MPPED2: variants seen among roughly 807,000 people sequenced by gnomAD.
MPPED2 encodes the protein metallophosphoesterase MPPED2.
In MPPED2, 5 loss-of-function variants were observed where a neutral mutation model predicts 33.0. That is an observed-to-expected ratio of 0.15 (90% confidence interval 0.08 to 0.32). The LOEUF is 0.32. Among genes scored for constraint, MPPED2 ranks in the 10% least tolerant of loss-of-function variants. The pLI is 1.00. For missense variants in MPPED2, 275 were observed against 372.1 expected, an observed-to-expected ratio of 0.74 and a Z score of 2.15; for synonymous variants, 136 against 141.9, an observed-to-expected ratio of 0.96 and a Z score of 0.29.
At chr11:30,531,259 G>T (rs550929158) in intron 3 of MPPED2, among the ~76,000 whole-genome samples, 15 of 152,288 alleles carry the variant, frequency 9.8e-5, no homozygotes, top group South Asian at 4.1e-4. Context: ...GAAGCCACTT[G>T]TCCCTCTGAC....
chr11:30,400,570 A>T (rs960370585), intron 6 of MPPED2, among the ~76,000 whole-genome samples: 1 of 152,216 alleles, frequency 6.6e-6, no homozygotes, highest in African/African-American at 2.4e-5. Flanking sequence ...ATCTTTGAAG[A>T]CTAGAGCATG....
At chr11:30,473,004 A>T (rs1225335900) in intron 4 of MPPED2, among the ~76,000 whole-genome samples, 2 of 152,250 alleles carry the variant, frequency 1.3e-5, no homozygotes, top group Non-Finnish European at 2.9e-5. Flanking sequence ...TTTCAGTTCA[A>T]ATAGTTATAT....
rs182950867 is a variant in MPPED2 at position 30,404,403 on chromosome 11, A to G, written c.766+9825T>C. ...CATTTCGTCAATGGCATGCCATTAG[A>G]GAAAACCATTTCATAGAGTAAATTA... On this transcript the variant is annotated intron_variant, in intron 6 of 6. Coordinates refer to the MPPED2 transcript ENST00000448418. Among the ~76,000 whole-genome samples the G allele has an allele frequency of 1.6e-3, 244 of 152,362 alleles. 3 individuals are homozygous for G. Among genetic ancestry groups the G allele is most frequent in the African/African-American group, 5.6e-3 (234 of 41,594 alleles).
intron 4 of MPPED2, among the ~76,000 whole-genome samples, chr11:30,442,453 G>T (rs1240442814): frequency 6.6e-6 from 1 of 152,330 alleles, no homozygotes. Context: ...CTCCTTTCCA[G>T]ATCCAACCAT....
intron 4 of MPPED2, among the ~76,000 whole-genome samples, chr11:30,440,862 A>T (rs2133895793): frequency 6.6e-6 from 1 of 152,324 alleles, no homozygotes; most frequent in African/African-American, 2.4e-5. Context: ...AAGAAATACC[A>T]TTACTACCAT....
rs546718498 is a variant in MPPED2, at chr11:30,515,941, C to T, written c.310+20053G>A. Among the ~76,000 whole-genome samples the T allele has an allele frequency of 5.9e-5, 9 of 152,256 alleles. No homozygotes were observed. In the South Asian group the frequency reaches 1.9e-3, roughly 32 times the overall value. ...TTAAAATAAAGTAGGCATACATTTC[C>T]ACCACAGCAATTTTCTGCCTACCAC... is the stretch of plus-strand genomic sequence containing the variant. On this transcript the variant is annotated intron_variant, in intron 3 of 6. Coordinates refer to ENST00000358117, the MANE Select transcript of MPPED2 (RefSeq NM_001584.3).
At chr11:30,546,755 T>C (rs1205239673) in intron 2 of MPPED2, among the ~76,000 whole-genome samples, 3 of 152,222 alleles carry the variant, frequency 2.0e-5, no homozygotes, top group African/African-American at 7.2e-5. Context: ...GGGGACATCA[T>C]TTATGTGAGT....
intron 4 of MPPED2, among the ~76,000 whole-genome samples, chr11:30,494,765 GAAA>G (rs1565123764): frequency 3.4e-5 from 4 of 118,518 alleles, no homozygotes; most frequent in African/African-American, 1.3e-4. Flanking sequence ...AAAAAAGAAA[GAAA>G]GAAAGAAAGA....
intron 3 of MPPED2, among the ~76,000 whole-genome samples, chr11:30,517,710 A>C (rs887506969): frequency 6.6e-6 from 1 of 151,980 alleles, no homozygotes; most frequent in Non-Finnish European, 1.5e-5. Context: ...GGACACCCTC[A>C]TACTTCAACC....
chr11:30,493,579 G>C (rs1371033369), intron 4 of MPPED2, among the ~76,000 whole-genome samples: 1 of 101,396 alleles, frequency 9.9e-6, no homozygotes, highest in African/African-American at 4.1e-5. Flanking sequence ...GGTTAGTTTT[G>C]CTCTATATAC....
At chr11:30,493,370 CA>C (rs751635120) in intron 4 of MPPED2, among the ~76,000 whole-genome samples, 295 of 72,176 alleles carry the variant, frequency 4.1e-3, no homozygotes, top group Middle Eastern at 0.022. Context: ...GACTCCGTCT[CA>C]AAAAAAAAAA....
At position 30,526,119 on chromosome 11, in the gene MPPED2, G is replaced by GA. The variant is rs1018978555; in HGVS notation, c.310+9874dup. On this transcript the variant is annotated intron_variant, in intron 3 of 6. Transcript: ENST00000358117. ...TTAGACCATGAAGTAATTCATATAGGAAAAAAATTATTCAATGTAAAGAAA... is the reference window on the plus strand; with the variant it reads ...TTAGACCATGAAGTAATTCATATAGGAAAAAAAATTATTCAATGTAAAGAAA... Among the ~76,000 whole-genome samples, 12 of 152,182 alleles carry GA rather than the reference G, an allele frequency of 7.9e-5. No individual in the cohort carries two copies. The East Asian group carries it at 2.3e-3, about 29-fold the overall frequency.
intron 3 of MPPED2, among the ~76,000 whole-genome samples, chr11:30,497,384 C>T (rs1479211951): frequency 2.0e-5 from 3 of 152,194 alleles, no homozygotes; most frequent in Admixed American, 1.3e-4. Flanking sequence ...CGCCCCAATT[C>T]ACCTGTGCTC....
In MPPED2 at chr11:30,586,144, G is replaced by C. The variant is rs926572020; in HGVS notation, c.-224C>G. ...AGCCGGCTGGAGGAGCGCTGGGGGC[G>C]CGCGGGGGCGGCGAGGGGCGCGAGC... On this transcript the variant is annotated 5_prime_UTR_variant, in exon 1 of 7. Coordinates refer to ENST00000358117, the MANE Select transcript of MPPED2 (RefSeq NM_001584.3). The surrounding 1 kb of genome is among the most constrained non-coding windows in gnomAD (Gnocchi z 4.8). 2.0e-5 allele frequency: 3 copies of C among 152,576 alleles called. No individual in the cohort carries two copies. The highest frequency in any genetic ancestry group is 7.2e-5 in the African/African-American group (3 of 41,442). The allele number at this position is 152,576 out of a possible 1,614,324, so 9.5% of individuals were successfully genotyped here. A position where few individuals can be genotyped will look rare whatever the true frequency, so the allele number is the denominator to read the frequency against.
chr11:30,475,166 T>G (rs1421043357), intron 4 of MPPED2, among the ~76,000 whole-genome samples: 2 of 152,200 alleles, frequency 1.3e-5, no homozygotes, highest in African/African-American at 4.8e-5. Context: ...TGATATAAAT[T>G]TATCTATCTT....
At chr11:30,432,045 T>G (rs531222611) in intron 4 of MPPED2, among the ~76,000 whole-genome samples, 1 of 152,022 alleles carries the variant, frequency 6.6e-6, no homozygotes, top group Non-Finnish European at 1.5e-5. Flanking sequence ...GGCAGGCACT[T>G]GTAATCCTGG....
At chr11:30,552,289 C>A (rs1003112861) in intron 2 of MPPED2, among the ~76,000 whole-genome samples, 1 of 152,200 alleles carries the variant, frequency 6.6e-6, no homozygotes, top group Non-Finnish European at 1.5e-5. Context: ...TTTCCCCGAT[C>A]CACAAACGGG....
At chr11:30,387,838 A>G (rs941362694) in exon 7 of MPPED2, 2 of 152,290 alleles carry the variant, frequency 1.3e-5, no homozygotes, top group Non-Finnish European at 2.9e-5. Context: ...AATAGCAAGT[A>G]AATACCCAGA....
At chr11:30,556,059 C>T (rs898267060) in intron 2 of MPPED2, among the ~76,000 whole-genome samples, 1 of 152,182 alleles carries the variant, frequency 6.6e-6, no homozygotes. Context: ...TCTGTAATTC[C>T]ATGACTTACG....
Sources: allele counts gnomAD v4.1 joint callset (sites outside exome capture counted in the v4.1 genomes callset), GRCh38; gene constraint gnomAD v4.1.1; non-coding constraint Gnocchi (gnomAD v3.1); transcripts MANE v1.5; gene names NCBI Gene and HGNC (gene_info 2026-07-23, HGNC 2026-07-21).